Variants in TBCD observed in about 807,000 individuals in gnomAD.
The protein encoded by TBCD is tubulin-specific chaperone D.
Under a neutral mutation model 169.3 loss-of-function variants are expected in TBCD, and 105 were observed. The observed-to-expected ratio is 0.62, with a 90% confidence interval of 0.53 to 0.73. The LOEUF (loss-of-function observed/expected upper bound fraction) is 0.73. Ranked by LOEUF, TBCD falls within the 30% of genes least tolerant of loss-of-function variation. TBCD has a pLI of 0.00. For missense variants in TBCD, 1,444 were observed against 1,600.1 expected (o/e 0.90, Z 1.66); for synonymous variants, 700 against 643.9 (o/e 1.09, Z -1.32).
intron 8 of TBCD, 96 bp from the exon 9 acceptor site, chr17:82,800,768 C>A: frequency 6.8e-7 from 1 of 1,466,204 alleles, no homozygotes; most frequent in Non-Finnish European, 9.2e-7. Flanking sequence ...TGCCTCAAGG[C>A]CCCTGTGGAG....
At position 82,831,079 on chromosome 17, in the gene TBCD, T is replaced by G. The variant is rs1419113983; in HGVS notation, c.1318+16145T>G. ...GGCAGGTAGGCATTCTGTGCTTTTC[T>G]TAACAGGCCTGAAGGCTGTGAGGCT... On this transcript the variant is annotated intron_variant, in intron 13 of 38. Transcript: ENST00000355528. The surrounding 1 kb of genome is among the most constrained non-coding windows in gnomAD (Gnocchi z 4.6). 6.2e-7 allele frequency: 1 copy of G among 1,613,994 alleles called. No homozygotes were observed. Among genetic ancestry groups the G allele is most frequent in the African/African-American group, 1.3e-5 (1 of 74,834 alleles).
chr17:82,819,139 A>G (rs1435094811), intron 13 of TBCD, among the ~76,000 whole-genome samples: 1 of 152,244 alleles, frequency 6.6e-6, no homozygotes, highest in Non-Finnish European at 1.5e-5. Flanking sequence ...AGCATGTTTG[A>G]TGACTAAAGC....
At chr17:82,937,943 G>A (rs1323702738) in intron 35 of TBCD, 106 bp from the exon 36 acceptor site, 16 of 1,551,264 alleles carry the variant, frequency 1.0e-5, no homozygotes, top group Non-Finnish European at 1.4e-5. Context: ...CTGTGCTCAC[G>A]GATCTGCTCT....
chr17:82,763,868 G>A (rs2047896731), intron 2 of TBCD, 97 bp from the exon 3 acceptor site: 2 of 996,390 alleles, frequency 2.0e-6, no homozygotes, highest in African/African-American at 1.6e-5. Context: ...GTCTCCCAAA[G>A]TGCTGGGAAA....
At chr17:82,937,967 C>T in intron 35 of TBCD, 82 bp from the exon 36 acceptor site, 1 of 1,579,290 alleles carries the variant, frequency 6.3e-7, no homozygotes, top group Non-Finnish European at 8.6e-7. Flanking sequence ...CAGGTCTCTG[C>T]ATGGGCCTTT....
Position 82,846,760 on chromosome 17 carries a change from C to T in TBCD, c.1319-23464C>T, listed in dbSNP as rs138835893. Among the ~76,000 whole-genome samples the T allele has an allele frequency of 1.8e-4, 28 of 152,322 alleles. No homozygotes were observed. In the East Asian group the frequency reaches 5.4e-3, roughly 29 times the overall value. On this transcript the variant is annotated intron_variant, in intron 13 of 38. Coordinates refer to ENST00000355528, the MANE Select transcript of TBCD (RefSeq NM_005993.5). ...GTTACATGGTCACCTGCCTGAGAAC[C>T]CCTGCAGGCCCCTGTGTTTTGGGAA...
intron 2 of TBCD, among the ~76,000 whole-genome samples, chr17:82,756,713 C>T (rs914612153): frequency 1.3e-5 from 2 of 152,164 alleles, no homozygotes; most frequent in South Asian, 2.1e-4. Context: ...CTCCTGACCT[C>T]GTGATCCGCC....
intron 17 of TBCD, chr17:82,900,444 A>C: frequency 2.0e-6 from 1 of 511,674 alleles, no homozygotes. Flanking sequence ...TTACACATGA[A>C]GCTGTGTGCA....
rs2049576275 is a variant in TBCD, at chr17:82,789,862, C to A, written c.772-7895C>A. ...ACACCTGTTGTACCATCACTTTCCCCTCCTGGCCTGTTTACCCGGGAGCCC... is the reference window on the plus strand; with the variant it reads ...ACACCTGTTGTACCATCACTTTCCCATCCTGGCCTGTTTACCCGGGAGCCC... On this transcript the variant is annotated intron_variant, in intron 7 of 38. Transcript: ENST00000355528. The surrounding 1 kb of genome is among the most constrained non-coding windows in gnomAD (Gnocchi z 4.8). 6.6e-6 allele frequency among the ~76,000 whole-genome samples: 1 copy of A among 152,252 alleles called. No individual in the cohort carries two copies. The highest frequency in any genetic ancestry group is 1.5e-5 in the Non-Finnish European group (1 of 68,038).
intron 29 of TBCD, 92 bp from the exon 30 acceptor site, chr17:82,927,813 C>T (rs535272067): frequency 1.3e-4 from 147 of 1,144,754 alleles, no homozygotes; most frequent in Middle Eastern, 2.0e-4. Flanking sequence ...TCACGGGTGT[C>T]GAATTCACAC....
chr17:82,797,676 G>T (rs1398449553), intron 7 of TBCD, 81 bp from the exon 8 acceptor site: 8 of 1,054,242 alleles, frequency 7.6e-6, no homozygotes, highest in South Asian at 3.1e-5. Flanking sequence ...AAGATGTGAT[G>T]AATTGTTTTC....
At chr17:82,919,152 C>T (rs557433357) in intron 23 of TBCD, among the ~76,000 whole-genome samples, 8 of 152,268 alleles carry the variant, frequency 5.3e-5, no homozygotes, top group South Asian at 4.1e-4. Flanking sequence ...GAGTCTCGCC[C>T]GGCGCTTCCT....
At chr17:82,801,701 T>C (rs1204068641) in intron 9 of TBCD, among the ~76,000 whole-genome samples, 122 of 44,650 alleles carry the variant, frequency 2.7e-3, no homozygotes, top group Middle Eastern at 0.021. Context: ...GCGTGTGCGT[T>C]GTGTGGCTCG....
At chr17:82,844,223 G>GTGTGTGTGTGTGTGTA (rs1207771288) in intron 13 of TBCD, among the ~76,000 whole-genome samples, 1 of 151,218 alleles carries the variant, frequency 6.6e-6, no homozygotes, top group African/African-American at 2.4e-5. Flanking sequence ...GTGTGTGTGT[G>GTGTGTGTGTGTGTGTA]TGTGTGTGTG....
chr17:82,861,482 T>A (rs976469725), intron 13 of TBCD, among the ~76,000 whole-genome samples: 4 of 152,280 alleles, frequency 2.6e-5, no homozygotes, highest in Admixed American at 1.3e-4. Context: ...AAATCAATGT[T>A]TGTTTATATT....
intron 17 of TBCD, among the ~76,000 whole-genome samples, chr17:82,895,552 G>T (rs1446136453): frequency 6.6e-6 from 1 of 152,206 alleles, no homozygotes; most frequent in Non-Finnish European, 1.5e-5. Context: ...CCCTGTGGCT[G>T]TATTTGGTGA....
chr17:82,835,130 T>C lies in TBCD; in HGVS notation c.1318+20196T>C, dbSNP rs2053857548. On this transcript the variant is annotated intron_variant, in intron 13 of 38. Transcript: ENST00000355528. This position sits in a 1 kb window ranked among gnomAD's most constrained non-coding sequence, Gnocchi z 4.5. Reference sequence around the variant, plus strand: ...CAACTGCAGTATTTTTTTTAAGGAATGGGCAGATGTGCCCATTCTTGAGTC... The same window carrying C: ...CAACTGCAGTATTTTTTTTAAGGAACGGGCAGATGTGCCCATTCTTGAGTC... 1.3e-5 allele frequency among the ~76,000 whole-genome samples: 2 copies of C among 152,188 alleles called. No individual in the cohort carries two copies. The highest frequency in any genetic ancestry group is 2.9e-5 in the Non-Finnish European group (2 of 68,028).
In TBCD at chr17:82,880,752, G is replaced by T. The variant is rs2058297666; in HGVS notation, c.1476-3393G>T. On this transcript the variant is annotated intron_variant, in intron 14 of 38. Transcript: ENST00000355528. This position sits in a 1 kb window ranked among gnomAD's most constrained non-coding sequence, Gnocchi z 5.0. ...TCCGTCCGTCTGTCCACAGGAGCAG[G>T]AGGGGCTGGGCGGGGAGGACGCAGG... Among the ~76,000 whole-genome samples, 2 of 152,348 alleles carry T rather than the reference G, an allele frequency of 1.3e-5. No homozygotes were observed. Among genetic ancestry groups the T allele is most frequent in the Non-Finnish European group, 2.9e-5 (2 of 68,032 alleles).
chr17:82,812,380 A>G (rs1373588965), intron 12 of TBCD, among the ~76,000 whole-genome samples: 1 of 151,918 alleles, frequency 6.6e-6, no homozygotes, highest in African/African-American at 2.4e-5. Context: ...GTTGAGCTTT[A>G]CGGTTTCATC....
Sources: allele counts gnomAD v4.1 joint callset (sites outside exome capture counted in the v4.1 genomes callset), GRCh38; gene constraint gnomAD v4.1.1; non-coding constraint Gnocchi (gnomAD v3.1); transcripts MANE v1.5; gene names NCBI Gene and HGNC (gene_info 2026-07-23, HGNC 2026-07-21).